The following BACH1 variants were observed in gnomAD, a reference collection of about 807,000 sequenced individuals.
BACH1 encodes the protein BTB domain and CNC homolog 1.
A neutral mutation model predicts 52.9 loss-of-function variants in BACH1; 35 were observed. The observed-to-expected ratio is 0.66, with a 90% CI of 0.51 to 0.88. The LOEUF is 0.88. Ranked by LOEUF, BACH1 falls within the 40% of genes least tolerant of loss-of-function variation. The probability of loss-of-function intolerance (pLI) is 0.00; values close to 1 mark genes in which losing one functional copy is unlikely to be tolerated. For synonymous variants in BACH1, 321 were observed against 319.6 expected, an observed-to-expected ratio of 1.00 and a Z score of -0.05; for missense variants, 808 against 872.6, an observed-to-expected ratio of 0.93 and a Z score of 0.93.
downstream of BACH1, among the ~76,000 whole-genome samples, chr21:29,346,592 G>C (rs181936606): frequency 6.6e-6 from 1 of 152,230 alleles, no homozygotes; most frequent in South Asian, 2.1e-4. Context: ...ACACTTGGCA[G>C]TTCCCAGAGA....
chr21:29,315,511 G>A (rs2088775624), intron 1 of BACH1, among the ~76,000 whole-genome samples: 1 of 152,186 alleles, frequency 6.6e-6, no homozygotes, highest in Non-Finnish European at 1.5e-5. Flanking sequence ...ATGCGAGAAG[G>A]CAGGTTTTGA....
Position 29,344,928 on chromosome 21 carries a change from A to G in BACH1, c.*2095A>G, listed in dbSNP as rs1162311599. ...GCTTTGAAAGATTACCTACTATTTTATGATAAAATGTAGTTGTCTCCAGAG... is the reference window on the plus strand; with the variant it reads ...GCTTTGAAAGATTACCTACTATTTTGTGATAAAATGTAGTTGTCTCCAGAG... On this transcript the variant is annotated 3_prime_UTR_variant, in exon 5 of 5. Transcript: ENST00000286800. The G allele has an allele frequency of 6.6e-6, 1 of 152,628 alleles. No homozygotes were observed. Among genetic ancestry groups the G allele is most frequent in the Non-Finnish European group, 1.5e-5 (1 of 68,018 alleles). 9.5% of individuals were successfully genotyped at this position (152,628 alleles called of 1,614,324 possible). A position where few individuals can be genotyped will look rare whatever the true frequency, so the allele number is the denominator to read the frequency against.
At chr21:29,338,323 T>C (rs1399665074) in intron 4 of BACH1, among the ~76,000 whole-genome samples, 1 of 152,228 alleles carries the variant, frequency 6.6e-6, no homozygotes, top group African/African-American at 2.4e-5. Flanking sequence ...GAAATATTTG[T>C]GTTACCAATT....
At chr21:29,319,347 G>T (rs992915219) in intron 1 of BACH1, among the ~76,000 whole-genome samples, 1 of 152,124 alleles carries the variant, frequency 6.6e-6, no homozygotes. Flanking sequence ...GGCATGGCAC[G>T]GGATTAAGAG....
chr21:29,357,319 G>A (rs2089240700), intron 2 of BACH1, among the ~76,000 whole-genome samples: 1 of 152,172 alleles, frequency 6.6e-6, no homozygotes, highest in South Asian at 2.1e-4. Flanking sequence ...TTAAGGTGAG[G>A]ATTAGCTACG....
chr21:29,305,238 GCT>G (rs1455540318), intron 1 of BACH1: 3 of 150,988 alleles, frequency 2.0e-5, no homozygotes, highest in Non-Finnish European at 4.4e-5. Flanking sequence ...ATTTTGCCCA[GCT>G]CACTCGGATT....
At chr21:29,315,074 A>G (rs1040486223) in intron 1 of BACH1, among the ~76,000 whole-genome samples, 3 of 151,698 alleles carry the variant, frequency 2.0e-5, no homozygotes, top group South Asian at 2.1e-4. Context: ...ATGAAAAGCC[A>G]TGTCTTTAGA....
chr21:29,319,771 G>A (rs2088827738), intron 1 of BACH1, among the ~76,000 whole-genome samples: 3 of 149,712 alleles, frequency 2.0e-5, no homozygotes, highest in African/African-American at 7.4e-5. Flanking sequence ...CATGGAGTCC[G>A]GCTTGGTTGG....
intron 1 of BACH1, among the ~76,000 whole-genome samples, chr21:29,311,338 T>G (rs1473537428): frequency 6.6e-6 from 1 of 152,222 alleles, no homozygotes; most frequent in Non-Finnish European, 1.5e-5. Context: ...CCATTTACAT[T>G]TAACTAAATT....
chr21:29,321,899 C>T (rs567580316), intron 2 of BACH1, among the ~76,000 whole-genome samples: 5 of 152,000 alleles, frequency 3.3e-5, no homozygotes, highest in Non-Finnish European at 7.4e-5. Context: ...AGTCTGTTCT[C>T]GTGGCGCTAA....
chr21:29,353,683 C>T (rs1377902804), intron 2 of BACH1, among the ~76,000 whole-genome samples: 3 of 152,112 alleles, frequency 2.0e-5, no homozygotes, highest in Non-Finnish European at 4.4e-5. Flanking sequence ...GGGACTGTAA[C>T]CTTCTTAATC....
At chr21:29,338,423 G>C (rs1182846647) in intron 4 of BACH1, among the ~76,000 whole-genome samples, 1 of 151,406 alleles carries the variant, frequency 6.6e-6, no homozygotes, top group Non-Finnish European at 1.5e-5. Context: ...ACCCAGGCTA[G>C]AGTGCAGTGG....
intron 1 of BACH1, among the ~76,000 whole-genome samples, chr21:29,315,540 G>T (rs2088775889): frequency 2.0e-5 from 3 of 152,188 alleles, no homozygotes; most frequent in Admixed American, 2.0e-4. Flanking sequence ...CTGGGCTGCA[G>T]ATCAGGGCAC....
At chr21:29,315,148 G>C (rs1203565564) in intron 1 of BACH1, among the ~76,000 whole-genome samples, 1 of 152,142 alleles carries the variant, frequency 6.6e-6, no homozygotes, top group Non-Finnish European at 1.5e-5. Context: ...GCCCTTAAAG[G>C]AGAGTTAAGG....
chr21:29,302,474 G>T (rs1382272983), intron 1 of BACH1, among the ~76,000 whole-genome samples: 16 of 152,192 alleles, frequency 1.1e-4, no homozygotes, highest in Admixed American at 1.0e-3. Flanking sequence ...TAGTTCTGGA[G>T]CCAGACTGCT....
At chr21:29,325,749 T>G (rs1729351725) in intron 2 of BACH1, among the ~76,000 whole-genome samples, 1 of 152,188 alleles carries the variant, frequency 6.6e-6, no homozygotes, top group Non-Finnish European at 1.5e-5. Flanking sequence ...ATAGATGATT[T>G]TTTTTTTCAC....
chr21:29,337,872 T>C (rs1288645951), intron 4 of BACH1, among the ~76,000 whole-genome samples: 1 of 152,026 alleles, frequency 6.6e-6, no homozygotes, highest in Non-Finnish European at 1.5e-5. Flanking sequence ...GAGGTTGCGG[T>C]GAGCTGAGAT....
intron 3 of BACH1, among the ~76,000 whole-genome samples, chr21:29,328,449 TG>T (rs1447582489): frequency 6.6e-6 from 1 of 152,120 alleles, no homozygotes; most frequent in Non-Finnish European, 1.5e-5. Context: ...TTTCAATAGT[TG>T]GCTTTTCTCT....
intron 1 of BACH1, among the ~76,000 whole-genome samples, chr21:29,308,073 G>A (rs1433463041): frequency 6.6e-6 from 1 of 152,168 alleles, no homozygotes; most frequent in Admixed American, 6.5e-5. Flanking sequence ...TCCCTACTCA[G>A]TAGTTCCTCA....
Sources: allele counts gnomAD v4.1 joint callset (sites outside exome capture counted in the v4.1 genomes callset), GRCh38; gene constraint gnomAD v4.1.1; transcripts MANE v1.5; gene names NCBI Gene and HGNC (gene_info 2026-07-23, HGNC 2026-07-21).